The following HEXB variants were observed in gnomAD, a reference collection of about 807,000 sequenced individuals.
HEXB encodes beta-hexosaminidase subunit beta.
A neutral mutation model predicts 71.2 loss-of-function variants in HEXB; 51 were observed. That is an observed-to-expected ratio of 0.72 (90% CI 0.57 to 0.90). The LOEUF is 0.90. Ranked by LOEUF, HEXB falls within the 40% of genes least tolerant of loss-of-function variation. The pLI, the probability that HEXB is intolerant of heterozygous loss-of-function variation, is 0.00. For synonymous variants in HEXB, 266 were observed against 249.3 expected, an observed-to-expected ratio of 1.07 and a Z score of -0.63; for missense variants, 617 against 677.0, an observed-to-expected ratio of 0.91 and a Z score of 0.98.
chr5:74,646,404 T>C (rs758954320), intron 1 of HEXB, among the ~76,000 whole-genome samples: 5 of 152,304 alleles, frequency 3.3e-5, no homozygotes, highest in African/African-American at 4.8e-5. Flanking sequence ...GAGTGTTTAC[T>C]TGAGGCTCTG....
chr5:74,716,758 T>A (rs1749682309), intron 9 of HEXB, 85 bp downstream of exon 9: 4 of 870,516 alleles, frequency 4.6e-6, no homozygotes, highest in Non-Finnish European at 3.7e-6. Flanking sequence ...ACATTTTCTC[T>A]ACATCCTTTG....
chr5:74,668,329 G>A (rs1327691731), intron 1 of HEXB, among the ~76,000 whole-genome samples: 1 of 150,674 alleles, frequency 6.6e-6, no homozygotes, highest in Non-Finnish European at 1.5e-5. Flanking sequence ...TTTATAACTT[G>A]TTCATATATC....
intron 10 of HEXB, 114 bp from the exon 11 acceptor site, chr5:74,718,683 G>C: frequency 9.1e-7 from 1 of 1,099,472 alleles, no homozygotes; most frequent in Non-Finnish European, 1.4e-6. Context: ...AGAAAATGCA[G>C]ATTTTTTTTA....
chr5:74,690,649 C>CAAAAA (rs60786265), intron 2 of HEXB, among the ~76,000 whole-genome samples: 14 of 59,742 alleles, frequency 2.3e-4, no homozygotes, highest in Admixed American at 7.3e-4. Context: ...GAGACAGTCT[C>CAAAAA]AAAAAAAAAA....
chr5:74,716,662 C>T lies in HEXB; in HGVS notation c.1158C>T (p.Phe386=), dbSNP rs1203750533. ...CAGATTTTAAGAAACTAGAATCTTTCTACATTCAAAAGTAAGTTGTTTGAA... is the reference window on the plus strand; with the variant it reads ...CAGATTTTAAGAAACTAGAATCTTTTTACATTCAAAAGTAAGTTGTTTGAA... ...FGTDFKKLES[F]YIQKVLDIIA... The change falls in exon 9 of 14, where the codon TTC becomes TTT. Residue 386 remains phenylalanine, a synonymous_variant. Coordinates refer to ENST00000261416, the MANE Select transcript of HEXB (RefSeq NM_000521.4). 6.3e-7 allele frequency: 1 copy of T among 1,596,138 alleles called. No individual in the cohort carries two copies. Among genetic ancestry groups the T allele is most frequent in the Non-Finnish European group, 8.6e-7 (1 of 1,166,170 alleles).
chr5:74,647,003 C>T (rs1748013845), intron 1 of HEXB, among the ~76,000 whole-genome samples: 1 of 152,234 alleles, frequency 6.6e-6, no homozygotes, highest in Non-Finnish European at 1.5e-5. Context: ...ACACATCACA[C>T]ATGGAATATA....
upstream of HEXB, among the ~76,000 whole-genome samples, chr5:74,680,886 G>C (rs1270798911): frequency 1.3e-5 from 2 of 152,174 alleles, no homozygotes; most frequent in Admixed American, 1.3e-4. Context: ...TGTTTAGAAA[G>C]GTCCTCAGGG....
intron 7 of HEXB, 95 bp from the exon 8 acceptor site, chr5:74,715,415 A>G (rs564155779): frequency 5.9e-6 from 5 of 842,844 alleles, no homozygotes; most frequent in African/African-American, 5.1e-5. Flanking sequence ...AAAATCTTGT[A>G]GCTTCAATAA....
Position 74,685,499 on chromosome 5 carries a change from G to T in HEXB, c.239G>T (p.Ser80Ile). ...CTCGCCCCGGAGAACTTCTACATCA[G>T]CCACAGCCCCAATTCCACGGCGGGC... is the stretch of plus-strand genomic sequence containing the variant. ...LHLAPENFYI[S>I]HSPNSTAGPS... The change falls in exon 1 of 14, where the codon AGC becomes ATC. Residue 80 changes from serine to isoleucine, a missense_variant. Transcript: ENST00000261416. 6.2e-7 allele frequency: 1 copy of T among 1,608,992 alleles called. No individual in the cohort carries two copies. Among genetic ancestry groups the T allele is most frequent in the Middle Eastern group, 1.7e-4 (1 of 6,040 alleles).
chr5:74,685,293 G>C lies in HEXB; in HGVS notation c.33G>C (p.Pro11=). 1 of 1,553,508 alleles carries C rather than the reference G, an allele frequency of 6.4e-7. No individual in the cohort carries two copies. The highest frequency in any genetic ancestry group is 1.4e-5 in the African/African-American group (1 of 73,160). Residue 11 remains proline, a synonymous_variant, in exon 1 of 14, where the codon CCG becomes CCC. Coordinates refer to ENST00000261416, the MANE Select transcript of HEXB (RefSeq NM_000521.4). ...TGTGCGGGCTGGGGCTGCCCCGGCC[G>C]CCCATGCTGCTGGCGCTGCTGTTGG... MELCGLGLPR[P]PMLLALLLAT...
At chr5:74,686,493 G>C (rs1433857779) in intron 1 of HEXB, among the ~76,000 whole-genome samples, 1 of 152,208 alleles carries the variant, frequency 6.6e-6, no homozygotes, top group Non-Finnish European at 1.5e-5. Context: ...AAGTGTGCTT[G>C]CAGGACCCTG....
At position 74,685,564 on chromosome 5, in the gene HEXB, G is replaced by A; in HGVS notation, c.299+5G>A. 2 of 1,547,192 alleles carry A rather than the reference G, an allele frequency of 1.3e-6. No homozygotes were observed. The highest frequency in any genetic ancestry group is 1.7e-6 in the Non-Finnish European group (2 of 1,149,574). ...GCTGGAGGAAGCGTTTCGACGGTGA[G>A]CGCTCCCGGCCCGGCCGGGAGTTGT... On this transcript the variant is annotated splice_donor_5th_base_variant and intron_variant, in intron 1 of 13. Transcript: ENST00000261416.
At chr5:74,661,029 A>C (rs2112088151) in intron 1 of HEXB, among the ~76,000 whole-genome samples, 1 of 152,206 alleles carries the variant, frequency 6.6e-6, no homozygotes, top group African/African-American at 2.4e-5. Flanking sequence ...AGAGAGAGAG[A>C]GATAGAGAGA....
chr5:74,690,848 A>G lies in HEXB; in HGVS notation c.445+1375A>G, dbSNP rs549239359. Reference sequence around the variant, plus strand: ...AAAAGCTTTCTTTCTCTTCAATTCCATAGCTGTTCTTAGAAGAGAAATAGG... The same window carrying G: ...AAAAGCTTTCTTTCTCTTCAATTCCGTAGCTGTTCTTAGAAGAGAAATAGG... On this transcript the variant is annotated intron_variant, in intron 2 of 13. Coordinates refer to ENST00000261416, the MANE Select transcript of HEXB (RefSeq NM_000521.4). Among the ~76,000 whole-genome samples the G allele has an allele frequency of 7.2e-5, 11 of 152,244 alleles. No individual in the cohort carries two copies. The South Asian group carries it at 2.3e-3, about 32-fold the overall frequency.
At chr5:74,710,231 T>C (rs1749506582) in intron 6 of HEXB, among the ~76,000 whole-genome samples, 1 of 151,848 alleles carries the variant, frequency 6.6e-6, no homozygotes, top group African/African-American at 2.4e-5. Context: ...TTGACAAAAT[T>C]CAACAACCCT....
chr5:74,653,470 T>C (rs978648037), intron 1 of HEXB, among the ~76,000 whole-genome samples: 37 of 152,184 alleles, frequency 2.4e-4, no homozygotes, highest in African/African-American at 4.6e-4. Flanking sequence ...TATGAAACCA[T>C]TGGGTCAGCA....
intron 1 of HEXB, among the ~76,000 whole-genome samples, chr5:74,661,660 G>C (rs960006950): frequency 1.3e-5 from 2 of 151,686 alleles, no homozygotes; most frequent in East Asian, 3.9e-4. Context: ...GTCTCCCAAA[G>C]GGCTGGGATT....
intron 1 of HEXB, among the ~76,000 whole-genome samples, chr5:74,650,712 G>C (rs1410736335): frequency 6.6e-6 from 1 of 152,082 alleles, no homozygotes; most frequent in East Asian, 1.9e-4. Flanking sequence ...ACGGGGTCAG[G>C]AGATCGAGAC....
chr5:74,689,522 C>T (rs368939640), intron 2 of HEXB, 49 bp downstream of exon 2: 383 of 1,552,198 alleles, frequency 2.5e-4, no homozygotes, highest in African/African-American at 4.1e-4. Flanking sequence ...TGCTCGCTGA[C>T]GGACTTAAGT....
Sources: allele counts gnomAD v4.1 joint callset (sites outside exome capture counted in the v4.1 genomes callset), GRCh38; gene constraint gnomAD v4.1.1; transcripts MANE v1.5; gene names NCBI Gene and HGNC (gene_info 2026-07-23, HGNC 2026-07-21).